The following ATXN1 variants were observed in gnomAD, a reference collection of about 807,000 sequenced individuals.
ATXN1 encodes the protein ataxin-1.
A neutral mutation model predicts 56.4 loss-of-function variants in ATXN1; 8 were observed. The ratio of observed to expected loss-of-function variants is 0.14; its 90% CI spans 0.08 to 0.26. ATXN1 has a LOEUF of 0.26. Among genes scored for constraint, ATXN1 ranks in the 10% least tolerant of loss-of-function variants. The probability of loss-of-function intolerance (pLI) is 1.00; values close to 1 mark genes in which losing one functional copy is unlikely to be tolerated. For missense variants in ATXN1, 987 were observed against 1,106.5 expected, an observed-to-expected ratio of 0.89 and a Z score of 1.53; for synonymous variants, 514 against 494.6, an observed-to-expected ratio of 1.04 and a Z score of -0.52.
chr6:16,640,466 G>A (rs932914953), intron 3 of ATXN1, among the ~76,000 whole-genome samples: 1 of 152,084 alleles, frequency 6.6e-6, no homozygotes, highest in Non-Finnish European at 1.5e-5. Flanking sequence ...GGCAGATCAC[G>A]AGTTCAGGAG....
At chr6:16,535,817 G>T (rs1183012894) in intron 4 of ATXN1, among the ~76,000 whole-genome samples, 2 of 152,184 alleles carry the variant, frequency 1.3e-5, no homozygotes, top group Non-Finnish European at 2.9e-5. Context: ...AGGTCATCAA[G>T]ATCAACAGCC....
intron 6 of ATXN1, among the ~76,000 whole-genome samples, chr6:16,421,647 C>CG (rs1759034312): frequency 9.0e-5 from 1 of 11,112 alleles, no homozygotes. Context: ...GAGTTTCACA[C>CG]GGGAGGGTGG....
At chr6:16,368,633 C>A (rs1009321769) in intron 6 of ATXN1, among the ~76,000 whole-genome samples, 7 of 152,078 alleles carry the variant, frequency 4.6e-5, no homozygotes, top group African/African-American at 1.4e-4. Flanking sequence ...ATTTCTGAAC[C>A]TCTGAGGTCT....
intron 4 of ATXN1, among the ~76,000 whole-genome samples, chr6:16,537,817 T>C (rs1761634378): frequency 6.6e-6 from 1 of 151,924 alleles, no homozygotes; most frequent in East Asian, 1.9e-4. Flanking sequence ...AAAAAAGGTG[T>C]CTTGGCCAGG....
chr6:16,751,364 T>G (rs1203969872), intron 2 of ATXN1, among the ~76,000 whole-genome samples: 1 of 152,168 alleles, frequency 6.6e-6, no homozygotes, highest in Admixed American at 6.5e-5. Flanking sequence ...AGAACACCTC[T>G]CTAATCCACA....
chr6:16,437,105 T>C (rs201264272), intron 6 of ATXN1, among the ~76,000 whole-genome samples: 83 of 152,302 alleles, frequency 5.4e-4, no homozygotes, highest in East Asian at 3.9e-3. Flanking sequence ...CAGTGGGATA[T>C]GCAAGCCTGA....
At chr6:16,477,108 C>T (rs993943896) in intron 6 of ATXN1, among the ~76,000 whole-genome samples, 2 of 152,198 alleles carry the variant, frequency 1.3e-5, no homozygotes, top group African/African-American at 2.4e-5. Context: ...CTCCCTTGTT[C>T]CCCATTTCCT....
At chr6:16,509,930 G>A (rs1006198515) in intron 5 of ATXN1, among the ~76,000 whole-genome samples, 6 of 152,144 alleles carry the variant, frequency 3.9e-5, no homozygotes, top group South Asian at 4.2e-4. Flanking sequence ...CAGAATCTGC[G>A]TCTCTGGTCT....
At chr6:16,570,712 T>C (rs1028753306) in intron 4 of ATXN1, among the ~76,000 whole-genome samples, 2 of 152,202 alleles carry the variant, frequency 1.3e-5, no homozygotes, top group African/African-American at 4.8e-5. Context: ...AAATAAGTTG[T>C]AACCATTCCC....
At chr6:16,347,475 T>G (rs1055441888) in intron 6 of ATXN1, among the ~76,000 whole-genome samples, 1 of 151,998 alleles carries the variant, frequency 6.6e-6, no homozygotes, top group Non-Finnish European at 1.5e-5. Flanking sequence ...GGTGGGGACT[T>G]GGAGAACCTT....
At chr6:16,504,169 C>T (rs1309401902) in intron 5 of ATXN1, among the ~76,000 whole-genome samples, 4 of 152,152 alleles carry the variant, frequency 2.6e-5, no homozygotes, top group Non-Finnish European at 5.9e-5. Flanking sequence ...ACTAGCTTAG[C>T]TACTAGCTAG....
chr6:16,561,595 A>G (rs1001733661), intron 4 of ATXN1, among the ~76,000 whole-genome samples: 36 of 152,228 alleles, frequency 2.4e-4, no homozygotes, highest in Admixed American at 1.3e-4. Context: ...ATGTGTTTCA[A>G]CAAATAATTT....
At chr6:16,593,057 C>G (rs1411219843) in intron 3 of ATXN1, among the ~76,000 whole-genome samples, 3 of 152,174 alleles carry the variant, frequency 2.0e-5, no homozygotes, top group Non-Finnish European at 2.9e-5. Flanking sequence ...AGCTACAGAG[C>G]ACTGACTGGT....
At chr6:16,712,715 C>CTTTT (rs36016138) in intron 2 of ATXN1, among the ~76,000 whole-genome samples, 4 of 145,378 alleles carry the variant, frequency 2.8e-5, no homozygotes, top group Non-Finnish European at 3.0e-5. Flanking sequence ...TCCGTTTTTG[C>CTTTT]TTTTTTTTTT....
At chr6:16,614,383 T>G (rs994175522) in intron 3 of ATXN1, among the ~76,000 whole-genome samples, 1 of 151,872 alleles carries the variant, frequency 6.6e-6, no homozygotes, top group Non-Finnish European at 1.5e-5. Flanking sequence ...CCAGTGTACT[T>G]CAGCATGATC....
At chr6:16,720,474 T>C (rs1268493746) in intron 2 of ATXN1, among the ~76,000 whole-genome samples, 1 of 152,222 alleles carries the variant, frequency 6.6e-6, no homozygotes, top group Non-Finnish European at 1.5e-5. Flanking sequence ...CAATAAATAC[T>C]TGGTTGTATA....
chr6:16,616,584 TTATAA>T (rs998977412), intron 3 of ATXN1, among the ~76,000 whole-genome samples: 8 of 144,962 alleles, frequency 5.5e-5, no homozygotes, highest in East Asian at 1.9e-4. Context: ...ATAATATATT[TTATAA>T]TATATTATAT....
At chr6:16,703,403 T>C (rs1436140011) in intron 2 of ATXN1, among the ~76,000 whole-genome samples, 4 of 152,134 alleles carry the variant, frequency 2.6e-5, no homozygotes, top group African/African-American at 4.8e-5. Context: ...ATGGGTGCAG[T>C]ACAACAACAT....
At chr6:16,510,975 T>C (rs530253850) in intron 5 of ATXN1, among the ~76,000 whole-genome samples, 16 of 152,354 alleles carry the variant, frequency 1.1e-4, no homozygotes, top group African/African-American at 3.4e-4. Flanking sequence ...TGTGAAAATA[T>C]GTGCATCAAA....
Sources: allele counts gnomAD v4.1 joint callset (sites outside exome capture counted in the v4.1 genomes callset), GRCh38; gene constraint gnomAD v4.1.1; transcripts MANE v1.5; gene names NCBI Gene and HGNC (gene_info 2026-07-23, HGNC 2026-07-21).